Variants in OXR1 observed in about 807,000 individuals in gnomAD.
OXR1 encodes oxidation resistance 1.
OXR1 carries 41 observed loss-of-function variants against 104.6 expected under a neutral mutation model. The observed-to-expected ratio is 0.39, with a 90% CI of 0.31 to 0.51. OXR1 has a LOEUF of 0.51. Ranked by LOEUF, OXR1 falls within the 20% of genes least tolerant of loss-of-function variation. The probability of loss-of-function intolerance (pLI) is 0.77; values close to 1 mark genes in which losing one functional copy is unlikely to be tolerated. For synonymous variants in OXR1, 348 were observed against 348.4 expected (o/e 1.00, Z 0.01); for missense variants, 955 against 1,031.9 (o/e 0.93, Z 1.02).
intron 3 of OXR1, among the ~76,000 whole-genome samples, chr8:106,646,064 C>G (rs1375495709): frequency 6.6e-6 from 1 of 151,940 alleles, no homozygotes; most frequent in Non-Finnish European, 1.5e-5. Context: ...TAGGTTTTTC[C>G]AATATTATTT....
chr8:106,523,448 C>G (rs1813406591), intron 3 of OXR1, among the ~76,000 whole-genome samples: 1 of 152,070 alleles, frequency 6.6e-6, no homozygotes, highest in Non-Finnish European at 1.5e-5. Flanking sequence ...ATGCAAATAC[C>G]AATATATCTC....
At chr8:106,708,398 C>CA (rs1197814954) in intron 9 of OXR1, among the ~76,000 whole-genome samples, 2 of 152,024 alleles carry the variant, frequency 1.3e-5, no homozygotes, top group Non-Finnish European at 2.9e-5. Flanking sequence ...GATGCTGTCT[C>CA]AAACAAAAAA....
chr8:106,507,255 G>A (rs1480814978), intron 2 of OXR1, among the ~76,000 whole-genome samples: 1 of 152,158 alleles, frequency 6.6e-6, no homozygotes, highest in East Asian at 1.9e-4. Flanking sequence ...TACTTTATCT[G>A]GATGGTGTTA....
chr8:106,316,717 C>CTATCTATCTATCTATCTATCATCT (rs147531007), intron 1 of OXR1, among the ~76,000 whole-genome samples: 27 of 118,670 alleles, frequency 2.3e-4, no homozygotes, highest in East Asian at 4.6e-4. Context: ...ATCTATCTAT[C>CTATCTATCTATCTATCTATCATCT]ATCTATCTAT....
At chr8:106,334,857 A>G (rs1221095098) in intron 1 of OXR1, among the ~76,000 whole-genome samples, 3 of 152,142 alleles carry the variant, frequency 2.0e-5, no homozygotes, top group African/African-American at 4.8e-5. Flanking sequence ...ATTTGATCGT[A>G]TCATCTCACA....
chr8:106,352,895 A>G (rs1315597019), intron 1 of OXR1, among the ~76,000 whole-genome samples: 1 of 152,234 alleles, frequency 6.6e-6, no homozygotes, highest in Non-Finnish European at 1.5e-5. Flanking sequence ...CTCTATAAGC[A>G]TAGATTTCTT....
chr8:106,688,004 G>A (rs1245417587), intron 6 of OXR1, among the ~76,000 whole-genome samples: 1 of 152,042 alleles, frequency 6.6e-6, no homozygotes, highest in Non-Finnish European at 1.5e-5. Flanking sequence ...CATTATAAAA[G>A]TCGATATAGT....
At chr8:106,376,232 C>A (rs1007026329) in intron 2 of OXR1, among the ~76,000 whole-genome samples, 3 of 152,176 alleles carry the variant, frequency 2.0e-5, no homozygotes, top group Admixed American at 6.5e-5. Flanking sequence ...AATAAAACAA[C>A]CCTGTTCCCA....
At chr8:106,341,481 A>T (rs140163356) in intron 1 of OXR1, among the ~76,000 whole-genome samples, 1 of 152,106 alleles carries the variant, frequency 6.6e-6, no homozygotes, top group Non-Finnish European at 1.5e-5. Context: ...AAGATAAATA[A>T]TATTGTCTCA....
chr8:106,275,420 T>TA lies in OXR1; in HGVS notation c.-139+5054dup, dbSNP rs200537317. 8.0e-3 allele frequency among the ~76,000 whole-genome samples: 1,212 copies of TA among 152,310 alleles called. 60 individuals are homozygous for TA. Among genetic ancestry groups the TA allele is most frequent in the Admixed American group, 0.067 (1,024 of 15,292 alleles). On this transcript the variant is annotated intron_variant, in intron 1 of 16. Transcript: ENST00000517566. ...CAATGGGCTGGCTGGCACTGGTAGT[T>TA]AGAGGAAGCAGAATTTCAAATCAGT...
intron 3 of OXR1, among the ~76,000 whole-genome samples, chr8:106,521,638 G>A (rs1453750683): frequency 2.0e-5 from 3 of 152,072 alleles, no homozygotes; most frequent in Admixed American, 6.6e-5. Context: ...TCAGCCTCCC[G>A]AGTAGCTGGG....
intron 3 of OXR1, among the ~76,000 whole-genome samples, chr8:106,540,193 ATAAAGT>A (rs1814843553): frequency 2.0e-5 from 3 of 152,146 alleles, no homozygotes; most frequent in Admixed American, 2.0e-4. Flanking sequence ...AAAAAGGAAA[ATAAAGT>A]TAAGGAATCA....
At chr8:106,541,678 G>A (rs1307809603) in intron 3 of OXR1, among the ~76,000 whole-genome samples, 1 of 152,180 alleles carries the variant, frequency 6.6e-6, no homozygotes, top group Admixed American at 6.5e-5. Flanking sequence ...TACCTGAGAA[G>A]CAAGGAAGCA....
intron 2 of OXR1, among the ~76,000 whole-genome samples, chr8:106,425,734 A>G (rs567032663): frequency 6.6e-6 from 1 of 152,216 alleles, no homozygotes; most frequent in Admixed American, 6.5e-5. Flanking sequence ...GAAAGCAAAT[A>G]GAGACACCTC....
Position 106,713,917 on chromosome 8 carries a change from G to A in OXR1, c.1888G>A (p.Val630Ile), listed in dbSNP as rs777345490. Residue 630 changes from valine to isoleucine, a missense_variant, in exon 11 of 17, where the codon GTA becomes ATA. Val to Ile is a conservative substitution (Grantham distance 29). Coordinates refer to ENST00000517566, the MANE Select transcript of OXR1 (RefSeq NM_001198533.2). ...TACCAGAGAACCTGGATTTATAGTA[G>A]TAAAAAAGATTGAGGAGTCTGAAAC... The part of the protein sequence containing the change: ...EYTREPGFIV[V>I]KKIEESETIE... The A allele has an allele frequency of 3.1e-6, 5 of 1,597,344 alleles. No homozygotes were observed. In the South Asian group the frequency reaches 3.4e-5, roughly 11 times the overall value.
intron 1 of OXR1, among the ~76,000 whole-genome samples, chr8:106,359,033 G>T (rs1338950204): frequency 6.8e-6 from 1 of 147,538 alleles, no homozygotes; most frequent in African/African-American, 2.6e-5. Context: ...ATGGCAACTT[G>T]TGTCATGGAA....
chr8:106,276,753 CAAAAAA>C (rs56303147), intron 1 of OXR1, among the ~76,000 whole-genome samples: 2 of 77,752 alleles, frequency 2.6e-5, no homozygotes, highest in Non-Finnish European at 5.2e-5. Context: ...CTGTTAGAGG[CAAAAAA>C]AAAAAAAAAA....
chr8:106,694,540 T>G (rs1259008600), intron 7 of OXR1, among the ~76,000 whole-genome samples: 1 of 131,756 alleles, frequency 7.6e-6, no homozygotes, highest in Non-Finnish European at 1.6e-5. Context: ...TTTATATATA[T>G]TTGATATATA....
At chr8:106,648,514 C>T (rs976801575) in intron 3 of OXR1, among the ~76,000 whole-genome samples, 25 of 152,082 alleles carry the variant, frequency 1.6e-4, no homozygotes, top group African/African-American at 6.0e-4. Context: ...CATTTTTCTT[C>T]ATATTTTCAG....
Sources: allele counts gnomAD v4.1 joint callset (sites outside exome capture counted in the v4.1 genomes callset), GRCh38; gene constraint gnomAD v4.1.1; transcripts MANE v1.5; gene names NCBI Gene and HGNC (gene_info 2026-07-23, HGNC 2026-07-21).